LAMC1: variants seen among roughly 807,000 people sequenced by gnomAD.
The protein encoded by LAMC1 is laminin subunit gamma 1.
In LAMC1, 38 loss-of-function variants were observed where a neutral mutation model predicts 173.6. The observed-to-expected ratio is 0.22, with a 90% CI of 0.17 to 0.29. The LOEUF (loss-of-function observed/expected upper bound fraction) is 0.29, where lower values mean the gene tolerates loss of function less well. Among genes scored for constraint, LAMC1 ranks in the 10% least tolerant of loss-of-function variants. LAMC1 has a pLI of 1.00. For missense variants in LAMC1, 1,824 were observed against 2,051.8 expected (o/e 0.89, Z 2.14); for synonymous variants, 746 against 749.1 (o/e 1.00, Z 0.07).
At chr1:183,108,618 A>G (rs1188100343) in intron 3 of LAMC1, among the ~76,000 whole-genome samples, 1 of 152,236 alleles carries the variant, frequency 6.6e-6, no homozygotes, top group African/African-American at 2.4e-5. Flanking sequence ...GTTGTTCTGG[A>G]AACTAAGCAT....
chr1:183,082,602 C>T (rs1655307104), intron 1 of LAMC1, among the ~76,000 whole-genome samples: 1 of 152,144 alleles, frequency 6.6e-6, no homozygotes, highest in South Asian at 2.1e-4. Flanking sequence ...TACCACAGCC[C>T]ACCCAGATAC....
intron 11 of LAMC1, 86 bp downstream of exon 11, chr1:183,118,232 AATAAT>A (rs1656376067): frequency 5.2e-6 from 4 of 764,712 alleles, no homozygotes; most frequent in Non-Finnish European, 9.0e-6. Flanking sequence ...TCTCTTTCCT[AATAAT>A]ATAACACTGA....
intron 6 of LAMC1, among the ~76,000 whole-genome samples, chr1:183,116,103 G>A (rs1293228979): frequency 6.8e-6 from 1 of 147,048 alleles, no homozygotes; most frequent in African/African-American, 2.5e-5. Context: ...GCACTCCAGC[G>A]TGGGTGACAG....
intron 1 of LAMC1, among the ~76,000 whole-genome samples, chr1:183,059,038 G>T (rs539701545): frequency 6.6e-6 from 1 of 152,210 alleles, no homozygotes; most frequent in African/African-American, 2.4e-5. Context: ...GACAGGCTCT[G>T]TTTTTGTTAT....
intron 1 of LAMC1, among the ~76,000 whole-genome samples, chr1:183,082,667 T>G (rs1256421799): frequency 1.3e-5 from 2 of 152,244 alleles, no homozygotes; most frequent in Admixed American, 6.5e-5. Flanking sequence ...GTTAATGTGA[T>G]TATGCACTGA....
At chr1:183,057,037 A>G (rs1654614031) in intron 1 of LAMC1, among the ~76,000 whole-genome samples, 1 of 152,100 alleles carries the variant, frequency 6.6e-6, no homozygotes, top group Non-Finnish European at 1.5e-5. Context: ...TGAGCTTCAT[A>G]AAAGAGTCTG....
At position 183,116,808 on chromosome 1, in the gene LAMC1, G is replaced by C. The variant is rs1243055691; in HGVS notation, c.1469G>C (p.Arg490Pro). 6.2e-7 allele frequency: 1 copy of C among 1,613,878 alleles called. No individual in the cohort carries two copies. Among genetic ancestry groups the C allele is most frequent in the Admixed American group, 1.7e-5 (1 of 59,998 alleles). Residue 490 changes from arginine (R) to proline (P), a missense_variant, in exon 8 of 28, where the codon CGG becomes CCG. Coordinates refer to ENST00000258341, the MANE Select transcript of LAMC1 (RefSeq NM_002293.4). The stretch of plus-strand genomic sequence containing the variant: ...TTTAATCTGGAATCATCTAATCCTC[G>C]GGGTTGCACACCCTGCTTCTGCTTT... ...GFFNLESSNP[R>P]GCTPCFCFGH...
At chr1:183,096,960 A>G (rs987243161) in intron 1 of LAMC1, among the ~76,000 whole-genome samples, 5 of 152,194 alleles carry the variant, frequency 3.3e-5, no homozygotes, top group Non-Finnish European at 7.3e-5. Context: ...CCATCTTGGT[A>G]TATTCCTTAT....
intron 24 of LAMC1, 73 bp from the exon 25 acceptor site, chr1:183,136,313 T>C (rs1347697059): frequency 1.0e-4 from 132 of 1,323,872 alleles, no homozygotes; most frequent in Non-Finnish European, 1.3e-4. Context: ...CAAAATCCAG[T>C]TGGAACTCCC....
chr1:183,095,137 G>T (rs146045779), intron 1 of LAMC1, among the ~76,000 whole-genome samples: 4 of 152,068 alleles, frequency 2.6e-5, no homozygotes, highest in Non-Finnish European at 4.4e-5. Context: ...GAGCCACCGC[G>T]CCCGGTGGAT....
intron 18 of LAMC1, among the ~76,000 whole-genome samples, chr1:183,129,246 CCGG>C: frequency 9.7e-6 from 1 of 103,398 alleles, no homozygotes; most frequent in South Asian, 3.9e-4. Flanking sequence ...CCCACCATGC[CCGG>C]GGTAATTTTT....
At position 183,081,095 on chromosome 1, in the gene LAMC1, G is replaced by T. The variant is rs190800964; in HGVS notation, c.419-22233G>T. 8.1e-3 allele frequency among the ~76,000 whole-genome samples: 1,233 copies of T among 151,732 alleles called. 11 individuals carry two copies. Among genetic ancestry groups the T allele is most frequent in the Non-Finnish European group, 0.011 (732 of 67,906 alleles). ...GTAGAGATGGGATTTCACTATCTTG[G>T]CCAGGCTGGTCTTGAACCCCTGACC... On this transcript the variant is annotated intron_variant, in intron 1 of 27. Transcript: ENST00000258341.
chr1:183,023,643 C>CG lies in LAMC1; in HGVS notation c.-69dup. 1 of 1,101,650 alleles carries CG rather than the reference C, an allele frequency of 9.1e-7. No individual in the cohort carries two copies. Among genetic ancestry groups the CG allele is most frequent in the East Asian group, 4.7e-5 (1 of 21,370 alleles). 68.2% of individuals were successfully genotyped at this position (1,101,650 alleles called of 1,614,324 possible). ...CAGGCTCAAGCAGCGAAGCGGCCTC[C>CG]GGGGGACGCCGCTAGGCGAGAGGAA... On this transcript the variant is annotated 5_prime_UTR_variant, in exon 1 of 28. Transcript: ENST00000258341.
rs1168021017 is a variant in LAMC1, at chr1:183,023,643, C to T, written c.-74C>T. 4 of 1,101,542 alleles carry T rather than the reference C, an allele frequency of 3.6e-6. No homozygotes were observed. The highest frequency in any genetic ancestry group is 3.3e-5 in the African/African-American group (2 of 60,300). 68.2% of individuals were successfully genotyped at this position (1,101,542 alleles called of 1,614,324 possible). On this transcript the variant is annotated 5_prime_UTR_variant, in exon 1 of 28. Coordinates refer to ENST00000258341, the MANE Select transcript of LAMC1 (RefSeq NM_002293.4). ...CAGGCTCAAGCAGCGAAGCGGCCTC[C>T]GGGGGACGCCGCTAGGCGAGAGGAA...
chr1:183,097,262 C>A (rs1334093645), intron 1 of LAMC1, among the ~76,000 whole-genome samples: 1 of 152,134 alleles, frequency 6.6e-6, no homozygotes, highest in African/African-American at 2.4e-5. Context: ...CCTAAACACA[C>A]CCCATCTCTA....
chr1:183,135,008 A>C (rs1316737774), intron 23 of LAMC1, 34 bp from the exon 24 acceptor site: 4 of 1,541,512 alleles, frequency 2.6e-6, no homozygotes, highest in Non-Finnish European at 2.7e-6. Context: ...ATTTGCTTTG[A>C]GGGTTCATCC....
Position 183,142,777 on chromosome 1 carries a change from T to C in LAMC1, c.4817T>C (p.Ile1606Thr). 1 of 1,611,878 alleles carries C rather than the reference T, an allele frequency of 6.2e-7. No individual in the cohort carries two copies. The highest frequency in any genetic ancestry group is 8.5e-7 in the Non-Finnish European group (1 of 1,178,918). The change falls in exon 28 of 28, where the codon ATT becomes ACT. Residue 1606 changes from isoleucine to threonine, a missense_variant. Coordinates refer to ENST00000258341, the MANE Select transcript of LAMC1 (RefSeq NM_002293.4). ...LPSGCFNTPS[I>T]EKP ...TCTGGCTGCTTCAACACCCCGTCCA[T>C]TGAAAAGCCCTAGTGTCTTTAGGGC...
intron 1 of LAMC1, among the ~76,000 whole-genome samples, chr1:183,047,468 ACTGT>A (rs1436136994): frequency 2.0e-5 from 3 of 152,186 alleles, no homozygotes; most frequent in Non-Finnish European, 2.9e-5. Flanking sequence ...TCTCTTCAAA[ACTGT>A]CTAACGCCCT....
rs759827800 is a variant in LAMC1, at chr1:183,117,580, C to T, written c.1734C>T (p.Ser578=). ...TGTTGAGTTATGGTCAGAACCTCTC[C>T]TTCTCCTTTCGAGTGGACAGGCGAG... ...KQVLSYGQNL[S]FSFRVDRRDT... is the part of the protein sequence containing the mutation. Residue 578 remains serine, a synonymous_variant, in exon 10 of 28, where the codon TCC becomes TCT. Transcript: ENST00000258341. The T allele has an allele frequency of 2.5e-6, 4 of 1,614,080 alleles. No individual in the cohort carries two copies. The African/African-American group carries it at 4.0e-5, about 16-fold the overall frequency.
Sources: gnomAD v4.1 joint callset for allele counts (sites outside exome capture counted in the v4.1 genomes callset) on GRCh38, gnomAD v4.1.1 for gene constraint, MANE v1.5 for transcripts, NCBI Gene and HGNC (gene_info 2026-07-23, HGNC 2026-07-21) for gene names.